Variants in FGD3 observed in about 807,000 individuals in gnomAD.
FGD3 encodes the protein FYVE, RhoGEF and PH domain containing 3.
A neutral mutation model predicts 71.8 loss-of-function variants in FGD3; 45 were observed. The ratio of observed to expected loss-of-function variants is 0.63; its 90% CI spans 0.49 to 0.80. The LOEUF is 0.80. Among genes scored for constraint, FGD3 ranks in the 30% least tolerant of loss-of-function variants. The pLI is 0.00. For synonymous variants in FGD3, 378 were observed against 392.8 expected, an observed-to-expected ratio of 0.96 and a Z score of 0.44; for missense variants, 844 against 951.5, an observed-to-expected ratio of 0.89 and a Z score of 1.49.
intron 10 of FGD3, 116 bp downstream of exon 10, chr9:93,015,945 C>G (rs1348408330): frequency 2.3e-6 from 2 of 882,722 alleles, no homozygotes; most frequent in African/African-American, 3.3e-5. Flanking sequence ...GCACCCCTAC[C>G]TGCTTTTCCA....
chr9:92,983,288 T>C (rs1320210059), intron 3 of FGD3, among the ~76,000 whole-genome samples: 1 of 151,994 alleles, frequency 6.6e-6, no homozygotes, highest in African/African-American at 2.4e-5. Context: ...TTTGGGAGGC[T>C]GAGGCGGGTG....
intron 3 of FGD3, among the ~76,000 whole-genome samples, chr9:92,979,954 CTT>C (rs577038256): frequency 1.4e-5 from 2 of 143,432 alleles, no homozygotes. Context: ...CTCTCTCTCT[CTT>C]TTTTTTTTTG....
chr9:92,985,072 G>A (rs555303957), intron 3 of FGD3, among the ~76,000 whole-genome samples: 1 of 152,264 alleles, frequency 6.6e-6, no homozygotes, highest in South Asian at 2.1e-4. Context: ...GGGCCCTTCA[G>A]CCTTCAAAGC....
intron 3 of FGD3, among the ~76,000 whole-genome samples, chr9:92,994,073 G>T (rs1860531327): frequency 6.6e-6 from 1 of 152,130 alleles, no homozygotes; most frequent in South Asian, 2.1e-4. Flanking sequence ...CTAGTTTACA[G>T]TCCCACCAAC....
chr9:92,953,745 G>A (rs983912243), intron 1 of FGD3, among the ~76,000 whole-genome samples: 1 of 152,194 alleles, frequency 6.6e-6, no homozygotes, highest in Non-Finnish European at 1.5e-5. Context: ...AATATTGTCT[G>A]CCTTTGGACC....
intron 1 of FGD3, among the ~76,000 whole-genome samples, chr9:92,959,149 C>A (rs564274313): frequency 2.6e-5 from 4 of 151,940 alleles, no homozygotes; most frequent in African/African-American, 9.7e-5. Flanking sequence ...TTAGTGGAGA[C>A]GGGGTTTCAC....
chr9:93,016,579 A>C (rs1327481051), intron 10 of FGD3, among the ~76,000 whole-genome samples: 1 of 150,672 alleles, frequency 6.6e-6, no homozygotes, highest in East Asian at 2.0e-4. Context: ...TTCGTGATCC[A>C]CCCGCCTTGG....
intron 14 of FGD3, among the ~76,000 whole-genome samples, chr9:93,029,424 G>A (rs1214073587): frequency 6.6e-6 from 1 of 152,156 alleles, no homozygotes; most frequent in Non-Finnish European, 1.5e-5. Flanking sequence ...GTGCCTGGAG[G>A]GTGTGGCCCG....
intron 1 of FGD3, among the ~76,000 whole-genome samples, chr9:92,972,593 A>G (rs1326965212): frequency 2.0e-5 from 3 of 152,210 alleles, no homozygotes; most frequent in Non-Finnish European, 1.5e-5. Flanking sequence ...AGTTTTAACT[A>G]CAAGGATTTC....
At chr9:92,996,705 T>A (rs1426407384) in intron 3 of FGD3, among the ~76,000 whole-genome samples, 6 of 152,226 alleles carry the variant, frequency 3.9e-5, no homozygotes, top group African/African-American at 1.2e-4. Context: ...TCAAAGAACA[T>A]CTTTATTTCT....
chr9:93,035,247 G>A lies in FGD3; in HGVS notation c.1927-91G>A, dbSNP rs1425639222. 4 of 1,513,020 alleles carry A rather than the reference G, an allele frequency of 2.6e-6. No homozygotes were observed. The African/African-American group carries it at 5.5e-5, about 21-fold the overall frequency. The allele number at this position is 1,513,020 out of a possible 1,614,324, so 93.7% of individuals were successfully genotyped here. ...ACCTGCCTTGCGTTGCAAGGGTCTG[G>A]GAGTGGCCTCCTGGGAGAGGCCCCC... On this transcript the variant is annotated intron_variant, in intron 17 of 17. Coordinates refer to ENST00000375482, the MANE Select transcript of FGD3 (RefSeq NM_001083536.2).
intron 12 of FGD3, among the ~76,000 whole-genome samples, chr9:93,020,090 G>A (rs566538657): frequency 1.1e-4 from 16 of 152,330 alleles, no homozygotes; most frequent in African/African-American, 3.6e-4. Flanking sequence ...GAGCGGGCCT[G>A]GTGGAGTCAC....
In FGD3 at chr9:93,035,729, G is replaced by C. The variant is rs1862576355; in HGVS notation, c.*140G>C. ...AGAGCTCAGGACACTTGGCTTTGGG[G>C]GGAAGGAAACTGAGGCCCAGAGAGG... On this transcript the variant is annotated 3_prime_UTR_variant, in exon 18 of 18. Coordinates refer to ENST00000375482, the MANE Select transcript of FGD3 (RefSeq NM_001083536.2). 1 of 1,296,346 alleles carries C rather than the reference G, an allele frequency of 7.7e-7. No homozygotes were observed. Among genetic ancestry groups the C allele is most frequent in the South Asian group, 1.6e-5 (1 of 60,610 alleles). 80.3% of individuals were successfully genotyped at this position (1,296,346 alleles called of 1,614,324 possible).
intron 10 of FGD3, among the ~76,000 whole-genome samples, 195 bp from the exon 11 acceptor site, chr9:93,017,941 C>T (rs986989074): frequency 2.6e-5 from 4 of 152,136 alleles, no homozygotes; most frequent in African/African-American, 7.2e-5. Context: ...ATGGGAGGCC[C>T]GCTGTCCCTG....
rs1224766457 is a variant in FGD3 at position 93,003,972 on chromosome 9, T to C, written c.544-29T>C. On this transcript the variant is annotated intron_variant, in intron 4 of 17. Transcript: ENST00000375482. The surrounding 1 kb of genome is among the most constrained non-coding windows in gnomAD (Gnocchi z 4.1). ...ACTGTGCTCAGTGGAAGAGGCTCAC[T>C]GGCCACACGTGGGCTTCTCTATGCT... The C allele has an allele frequency of 6.2e-7, 1 of 1,613,088 alleles. No individual in the cohort carries two copies.
chr9:92,989,925 T>G (rs1427904670), intron 3 of FGD3, among the ~76,000 whole-genome samples: 127 of 151,760 alleles, frequency 8.4e-4, no homozygotes, highest in Non-Finnish European at 1.6e-3. Flanking sequence ...AGAGGTTTTT[T>G]TTTTTTTTTT....
chr9:93,009,679 C>T (rs774947767), intron 6 of FGD3, among the ~76,000 whole-genome samples: 93 of 152,214 alleles, frequency 6.1e-4, no homozygotes, highest in Non-Finnish European at 1.1e-3. Context: ...CTGCAGGGTG[C>T]GAGGGGAGGC....
At position 93,015,746 on chromosome 9, in the gene FGD3, A is replaced by G. The variant is rs1329160167; in HGVS notation, c.1192A>G (p.Met398Val). The change falls in exon 10 of 18, where the codon ATG (methionine) becomes GTG (valine). Residue 398 changes from methionine to valine, a missense_variant. Met to Val is a conservative substitution (Grantham distance 21). Coordinates refer to ENST00000375482, the MANE Select transcript of FGD3 (RefSeq NM_001083536.2). ...QDRHLFLFNSMILYCVPKLRL... is the reference protein window; with the variant it reads ...QDRHLFLFNSVILYCVPKLRL... ...GCCATCCCTCTTGCAGTTCAACAGC[A>G]TGATCCTTTACTGTGTGCCCAAGCT... 1.2e-6 allele frequency: 2 copies of G among 1,614,146 alleles called. No homozygotes were observed. Among genetic ancestry groups the G allele is most frequent in the Admixed American group, 1.7e-5 (1 of 60,024 alleles).
chr9:92,953,279 A>T (rs190546141), intron 1 of FGD3, among the ~76,000 whole-genome samples: 134 of 152,250 alleles, frequency 8.8e-4, no homozygotes, highest in African/African-American at 3.0e-3. Flanking sequence ...TAGACACATC[A>T]GGGCTCTTTG....
Sources: allele counts gnomAD v4.1 joint callset (sites outside exome capture counted in the v4.1 genomes callset), GRCh38; gene constraint gnomAD v4.1.1; non-coding constraint Gnocchi (gnomAD v3.1); transcripts MANE v1.5; gene names NCBI Gene and HGNC (gene_info 2026-07-23, HGNC 2026-07-21).